APBB2: variants seen among roughly 807,000 people sequenced by gnomAD.
APBB2 encodes the protein amyloid beta precursor protein binding family B member 2.
Under a neutral mutation model 82.5 loss-of-function variants are expected in APBB2, and 38 were observed. The ratio of observed to expected loss-of-function variants is 0.46; its 90% CI spans 0.36 to 0.60. APBB2 has a LOEUF of 0.60. Ranked by LOEUF, APBB2 falls within the 20% of genes least tolerant of loss-of-function variation. The pLI is 0.00. For missense variants in APBB2, 772 were observed against 972.3 expected (o/e 0.79, Z 2.74); for synonymous variants, 341 against 368.2 (o/e 0.93, Z 0.85).
chr4:40,864,126 G>A (rs892136219), intron 12 of APBB2, among the ~76,000 whole-genome samples: 3 of 151,894 alleles, frequency 2.0e-5, no homozygotes, highest in Admixed American at 6.6e-5. Context: ...GTGTGGTGGC[G>A]CCGAGTAATC....
intron 2 of APBB2, among the ~76,000 whole-genome samples, chr4:41,104,442 TAGG>T (rs1488609689): frequency 1.3e-5 from 2 of 152,204 alleles, no homozygotes; most frequent in Non-Finnish European, 2.9e-5. Flanking sequence ...CATGCTTGGC[TAGG>T]AGTACATTTA....
chr4:41,152,218 T>C (rs184955947), intron 1 of APBB2, among the ~76,000 whole-genome samples: 113 of 152,286 alleles, frequency 7.4e-4, no homozygotes, highest in African/African-American at 2.5e-3. Flanking sequence ...ATGTTTTCTT[T>C]CTTAAAATAT....
At chr4:41,042,457 C>T (rs1189625656) in intron 4 of APBB2, among the ~76,000 whole-genome samples, 5 of 152,194 alleles carry the variant, frequency 3.3e-5, no homozygotes, top group Admixed American at 6.5e-5. Flanking sequence ...CCCTCTACTC[C>T]GTAACCTTGC....
chr4:40,929,086 G>T (rs1367973809), intron 10 of APBB2, among the ~76,000 whole-genome samples: 2 of 151,452 alleles, frequency 1.3e-5, no homozygotes, highest in Non-Finnish European at 2.9e-5. Context: ...TTCTTTGTTT[G>T]TACTGTGATT....
chr4:40,948,832 G>A (rs1396232352), intron 6 of APBB2, among the ~76,000 whole-genome samples: 1 of 136,428 alleles, frequency 7.3e-6, no homozygotes, highest in African/African-American at 2.8e-5. Flanking sequence ...GAGGCTGCAT[G>A]GAGCCATAAT....
intron 5 of APBB2, among the ~76,000 whole-genome samples, chr4:41,019,354 C>T (rs750157941): frequency 4.6e-5 from 7 of 152,134 alleles, no homozygotes; most frequent in Non-Finnish European, 8.8e-5. Context: ...GGACTGGAAA[C>T]AGCACTGCCC....
intron 2 of APBB2, among the ~76,000 whole-genome samples, chr4:41,141,314 CTGTG>C (rs754627377): frequency 1.1e-4 from 3 of 27,638 alleles, no homozygotes; most frequent in Admixed American, 5.9e-4. Context: ...ATGTGTGTGT[CTGTG>C]TGTGTGTGTG....
At chr4:41,062,157 CTTATTTATTTATTTAT>C (rs139030241) in intron 4 of APBB2, among the ~76,000 whole-genome samples, 11 of 149,374 alleles carry the variant, frequency 7.4e-5, no homozygotes, top group African/African-American at 1.2e-4. Context: ...ACAAGCAAAT[CTTATTTATTTATTTAT>C]TTATTTATTT....
intron 13 of APBB2, among the ~76,000 whole-genome samples, chr4:40,828,362 C>T (rs1750667888): frequency 6.6e-6 from 1 of 152,218 alleles, no homozygotes; most frequent in Non-Finnish European, 1.5e-5. Flanking sequence ...CCAAAAGTAA[C>T]TCGGATCTTC....
At position 40,901,510 on chromosome 4, in the gene APBB2, T is replaced by G. The variant is rs533072198; in HGVS notation, c.1255-8099A>C. Among the ~76,000 whole-genome samples, 9 of 151,990 alleles carry G rather than the reference T, an allele frequency of 5.9e-5. No individual in the cohort carries two copies. In the East Asian group the frequency reaches 1.2e-3, roughly 20 times the overall value. On this transcript the variant is annotated intron_variant, in intron 10 of 17. Transcript: ENST00000508593. The stretch of plus-strand genomic sequence containing the variant: ...CATCAGCTGACTTCAGGGTTTTTTT[T>G]GTTGTTGTTTTTTGTTTTTGAGACT...
chr4:41,076,465 G>A (rs1399223294), intron 3 of APBB2, among the ~76,000 whole-genome samples: 1 of 152,176 alleles, frequency 6.6e-6, no homozygotes, highest in East Asian at 1.9e-4. Flanking sequence ...AAAAAGAGAA[G>A]GACTAAGTGG....
At chr4:40,990,102 G>A (rs1434575849) in intron 6 of APBB2, 4 of 152,160 alleles carry the variant, frequency 2.6e-5, no homozygotes, top group Non-Finnish European at 4.4e-5. Flanking sequence ...TAAGCAAAAC[G>A]TGGTATATAC....
chr4:41,161,798 A>G (rs1765238057), intron 1 of APBB2, among the ~76,000 whole-genome samples: 1 of 152,208 alleles, frequency 6.6e-6, no homozygotes, highest in African/African-American at 2.4e-5. Flanking sequence ...ATTCCAGTGT[A>G]AAGTTCTTTC....
chr4:40,881,727 T>G (rs2154346365), intron 12 of APBB2, among the ~76,000 whole-genome samples: 1 of 151,812 alleles, frequency 6.6e-6, no homozygotes, highest in African/African-American at 2.4e-5. Context: ...AGAGATGGGG[T>G]TTCACCATGT....
chr4:40,823,636 C>T lies in APBB2; in HGVS notation c.1932+8G>A. On this transcript the variant is annotated splice_region_variant and intron_variant, in intron 16 of 17. Transcript: ENST00000508593. ...GACACACCAATGTCATCGAAGATTC[C>T]TTCTCACCTTTTCACTGATGACAGT... is the stretch of plus-strand genomic sequence containing the variant. 1 of 1,591,132 alleles carries T rather than the reference C, an allele frequency of 6.3e-7. No individual in the cohort carries two copies. The highest frequency in any genetic ancestry group is 8.6e-7 in the Non-Finnish European group (1 of 1,159,566).
intron 10 of APBB2, among the ~76,000 whole-genome samples, chr4:40,914,251 T>C (rs1779298168): frequency 6.6e-6 from 1 of 152,102 alleles, no homozygotes; most frequent in African/African-American, 2.4e-5. Context: ...CAGGCGCCTA[T>C]AGTCCCAGCT....
intron 12 of APBB2, among the ~76,000 whole-genome samples, chr4:40,864,951 T>A (rs1763705016): frequency 6.6e-6 from 1 of 151,412 alleles, no homozygotes; most frequent in South Asian, 2.1e-4. Flanking sequence ...CTCTGCCTCC[T>A]GGGTTCAAGC....
chr4:41,064,491 G>T (rs182410486), intron 4 of APBB2, among the ~76,000 whole-genome samples: 1 of 152,322 alleles, frequency 6.6e-6, no homozygotes, highest in Non-Finnish European at 1.5e-5. Context: ...AATTCCACAG[G>T]TTCCAAAGGA....
At chr4:41,010,897 C>T (rs573659509) in intron 6 of APBB2, among the ~76,000 whole-genome samples, 10 of 152,238 alleles carry the variant, frequency 6.6e-5, no homozygotes, top group East Asian at 5.8e-4. Context: ...TGAACCCGCA[C>T]GTACCCATAA....
Sources: allele counts gnomAD v4.1 joint callset (sites outside exome capture counted in the v4.1 genomes callset), GRCh38; gene constraint gnomAD v4.1.1; transcripts MANE v1.5; gene names NCBI Gene and HGNC (gene_info 2026-07-23, HGNC 2026-07-21).